The following RBFOX1 variants were observed in gnomAD, a reference collection of about 807,000 sequenced individuals.
RBFOX1 encodes RNA binding fox-1 homolog 1.
In RBFOX1, 8 loss-of-function variants were observed where a neutral mutation model predicts 57.7. The observed-to-expected ratio is 0.14, with a 90% CI of 0.08 to 0.25. The LOEUF (loss-of-function observed/expected upper bound fraction) is 0.25, where lower values mean the gene tolerates loss of function less well. Ranked by LOEUF, RBFOX1 falls within the 10% of genes least tolerant of loss-of-function variation. RBFOX1 has a pLI of 1.00. For missense variants in RBFOX1, 611 were observed against 548.5 expected, an observed-to-expected ratio of 1.11 and a Z score of -1.14; for synonymous variants, 326 against 222.4, an observed-to-expected ratio of 1.47 and a Z score of -4.15.
chr16:7,657,326 A>T (rs1406943627), intron 12 of RBFOX1, among the ~76,000 whole-genome samples: 1 of 152,220 alleles, frequency 6.6e-6, no homozygotes, highest in East Asian at 1.9e-4. Context: ...TTTTTTTGAG[A>T]CGGAGTCTTA....
At chr16:6,964,199 A>G (rs2083603468) in intron 3 of RBFOX1, among the ~76,000 whole-genome samples, 1 of 151,652 alleles carries the variant, frequency 6.6e-6, no homozygotes, top group Non-Finnish European at 1.5e-5. Flanking sequence ...TGTATTTTTT[A>G]GTAGAGATGG....
At chr16:5,827,829 C>G (rs1597401168) in intron 3 of RBFOX1, among the ~76,000 whole-genome samples, 1 of 152,124 alleles carries the variant, frequency 6.6e-6, no homozygotes, top group South Asian at 2.1e-4. Flanking sequence ...ACCCATCCAC[C>G]TGGCCATCCA....
In RBFOX1 at chr16:7,631,790, A is replaced by T. The variant is rs79223140; in HGVS notation, c.757+1107A>T. ...TTCCTAAATTGTGAAGCTGAGGAAA[A>T]CCAACCTCCTCACTGTTGGGGCAGC... On this transcript the variant is annotated intron_variant, in intron 11 of 15. Coordinates refer to ENST00000550418, the MANE Select transcript of RBFOX1 (RefSeq NM_018723.4). Among the ~76,000 whole-genome samples, 233 of 152,312 alleles carry T rather than the reference A, an allele frequency of 1.5e-3. 1 individual carries two copies. The highest frequency in any genetic ancestry group is 5.6e-3 in the African/African-American group (232 of 41,564).
intron 1 of RBFOX1, among the ~76,000 whole-genome samples, chr16:5,371,129 G>A (rs1287917377): frequency 2.0e-5 from 3 of 151,928 alleles, no homozygotes; most frequent in Admixed American, 2.0e-4. Flanking sequence ...TGTATTTTTA[G>A]TAGAGATGAG....
chr16:6,735,983 C>G (rs56017971), intron 3 of RBFOX1, among the ~76,000 whole-genome samples: 151,618 of 151,624 alleles, frequency 1, 75,806 homozygotes, highest in Middle Eastern at 1. Context: ...CCCTACTGGG[C>G]CTGCTCAAGG....
intron 1 of RBFOX1, among the ~76,000 whole-genome samples, chr16:5,261,527 C>T (rs554867042): frequency 6.7e-6 from 1 of 148,426 alleles, no homozygotes; most frequent in Admixed American, 6.8e-5. Context: ...CACCCATCCA[C>T]TGACATTTCA....
At chr16:5,731,257 G>T (rs1474634749) in intron 3 of RBFOX1, among the ~76,000 whole-genome samples, 2 of 151,318 alleles carry the variant, frequency 1.3e-5, no homozygotes, top group African/African-American at 4.9e-5. Context: ...GTCTCCACCA[G>T]CACGATAATG....
intron 3 of RBFOX1, among the ~76,000 whole-genome samples, chr16:5,676,554 T>C (rs1390307608): frequency 2.0e-5 from 3 of 152,138 alleles, no homozygotes; most frequent in East Asian, 3.9e-4. Context: ...TTGAATGAGA[T>C]TGTGCCTGGA....
chr16:5,860,190 C>G (rs987280768), intron 3 of RBFOX1, among the ~76,000 whole-genome samples: 1 of 152,146 alleles, frequency 6.6e-6, no homozygotes, highest in African/African-American at 2.4e-5. Flanking sequence ...TCAAGTGACT[C>G]TCCTGCCTCA....
At chr16:6,196,521 T>C (rs1246737545) in intron 1 of RBFOX1, among the ~76,000 whole-genome samples, 2 of 152,184 alleles carry the variant, frequency 1.3e-5, no homozygotes, top group Non-Finnish European at 2.9e-5. Flanking sequence ...TCTGAAATAT[T>C]TCAATATGGA....
intron 14 of RBFOX1, among the ~76,000 whole-genome samples, chr16:7,688,833 AATT>A (rs2076708720): frequency 6.6e-6 from 1 of 151,534 alleles, no homozygotes; most frequent in Non-Finnish European, 1.5e-5. Flanking sequence ...TCTTTCTCTC[AATT>A]ATTCTCAAAG....
chr16:7,353,571 A>C (rs138342306), intron 4 of RBFOX1, among the ~76,000 whole-genome samples: 1 of 152,360 alleles, frequency 6.6e-6, no homozygotes, highest in East Asian at 1.9e-4. Context: ...ATGTTCATCA[A>C]CTAAGAAATG....
chr16:6,895,452 A>ATG (rs1567761317), intron 3 of RBFOX1, among the ~76,000 whole-genome samples: 5,182 of 65,930 alleles, frequency 0.079, 276 homozygotes, highest in Admixed American at 0.11. Flanking sequence ...GTGTGTGTAT[A>ATG]TATATATATA....
At chr16:6,425,246 T>C (rs931159006) in intron 2 of RBFOX1, among the ~76,000 whole-genome samples, 3 of 152,166 alleles carry the variant, frequency 2.0e-5, no homozygotes, top group Non-Finnish European at 4.4e-5. Flanking sequence ...AAGGAGAGTA[T>C]GGTCAACAGG....
chr16:6,381,615 A>C (rs2091822875), intron 2 of RBFOX1, among the ~76,000 whole-genome samples: 1 of 152,104 alleles, frequency 6.6e-6, no homozygotes, highest in African/African-American at 2.4e-5. Flanking sequence ...GATGTCAACT[A>C]TCTTCTTGGG....
intron 4 of RBFOX1, among the ~76,000 whole-genome samples, chr16:7,067,516 T>A (rs1327727833): frequency 6.6e-6 from 1 of 151,766 alleles, no homozygotes; most frequent in Non-Finnish European, 1.5e-5. Context: ...CTGAGGTCCC[T>A]GTTTTCTTTT....
In RBFOX1 at chr16:6,919,156, T is replaced by C. The variant is rs74396219; in HGVS notation, c.-15-132901T>C. ...CATCGTGCCTGGCTAGTTTTTTGTA[T>C]TGTTTTTTTGGAGATGGGGTTTCAC... On this transcript the variant is annotated intron_variant, in intron 3 of 15. Transcript: ENST00000550418. Among the ~76,000 whole-genome samples, 1,459 of 152,042 alleles carry C rather than the reference T, an allele frequency of 9.6e-3. 26 individuals carry two copies. The highest frequency in any genetic ancestry group is 0.032 in the African/African-American group (1,345 of 41,462).
chr16:7,101,418 G>C (rs1482214882), intron 4 of RBFOX1, among the ~76,000 whole-genome samples: 2 of 152,158 alleles, frequency 1.3e-5, no homozygotes, highest in Non-Finnish European at 2.9e-5. Context: ...CAGAGTCTTG[G>C]TAATAGTGGT....
chr16:5,375,323 G>A (rs2151379994), intron 1 of RBFOX1, among the ~76,000 whole-genome samples: 1 of 152,238 alleles, frequency 6.6e-6, no homozygotes, highest in Non-Finnish European at 1.5e-5. Flanking sequence ...ACTGTTCTAG[G>A]GAGCGGGAGT....
Sources: gnomAD v4.1 joint callset for allele counts (sites outside exome capture counted in the v4.1 genomes callset) on GRCh38, gnomAD v4.1.1 for gene constraint, MANE v1.5 for transcripts, NCBI Gene and HGNC (gene_info 2026-07-23, HGNC 2026-07-21) for gene names.